The following SLC16A7 variants were observed in gnomAD, a reference collection of about 807,000 sequenced individuals.
SLC16A7 encodes the protein solute carrier family 16 member 7, also known as monocarboxylate transporter 2.
In SLC16A7, 33 loss-of-function variants were observed where a neutral mutation model predicts 34.9. The ratio of observed to expected loss-of-function variants is 0.94; its 90% CI spans 0.72 to 1.26. SLC16A7 has a LOEUF of 1.26. Ranked by LOEUF, SLC16A7 falls within the 50% of genes most tolerant of loss-of-function variation. The pLI is 0.00. For missense variants in SLC16A7, 573 were observed against 578.1 expected (o/e 0.99, Z 0.09); for synonymous variants, 201 against 206.6 (o/e 0.97, Z 0.23).
In SLC16A7 at chr12:59,698,241, T is replaced by C. The variant is rs1592520559; in HGVS notation, c.-30-6531T>C. On this transcript the variant is annotated intron_variant, in intron 2 of 5. Coordinates refer to ENST00000547379, the MANE Select transcript of SLC16A7 (RefSeq NM_001270623.2). ...TATAGAATATTAACTAGGGAAATAT[T>C]GTTAAAACTGATTATGCAACTATTT... Among the ~76,000 whole-genome samples the C allele has an allele frequency of 2.0e-5, 3 of 151,916 alleles. No homozygotes were observed. In the South Asian group the frequency reaches 6.2e-4, roughly 31 times the overall value.
intron 2 of SLC16A7, among the ~76,000 whole-genome samples, chr12:59,696,137 G>A (rs1872262878): frequency 6.6e-6 from 1 of 151,204 alleles, no homozygotes; most frequent in Admixed American, 6.6e-5. Context: ...TATAATAATA[G>A]GCTTGTAATC....
intron 3 of SLC16A7, among the ~76,000 whole-genome samples, chr12:59,757,102 G>C (rs1348529409): frequency 1.7e-5 from 2 of 117,462 alleles, no homozygotes; most frequent in Non-Finnish European, 3.3e-5. Context: ...TCTGGGGACT[G>C]TTGTGGGGTG....
intron 2 of SLC16A7, among the ~76,000 whole-genome samples, chr12:59,670,660 A>G (rs1169142739): frequency 3.3e-5 from 5 of 152,222 alleles, no homozygotes; most frequent in Non-Finnish European, 7.3e-5. Flanking sequence ...GGGAATAGAC[A>G]TACTCATTCC....
chr12:59,735,190 C>G (rs541738182), intron 3 of SLC16A7, among the ~76,000 whole-genome samples: 1 of 152,250 alleles, frequency 6.6e-6, no homozygotes, highest in East Asian at 1.9e-4. Flanking sequence ...ACTTCTACCT[C>G]GAAGACATAG....
intron 4 of SLC16A7, among the ~76,000 whole-genome samples, 160 bp from the exon 5 acceptor site, chr12:59,774,497 T>C (rs1882537100): frequency 6.6e-6 from 1 of 152,184 alleles, no homozygotes; most frequent in Non-Finnish European, 1.5e-5. Flanking sequence ...AAAACCTTAT[T>C]GTTTTGTGCA....
intron 1 of SLC16A7, among the ~76,000 whole-genome samples, chr12:59,654,694 C>T: frequency 7.1e-6 from 1 of 140,294 alleles, no homozygotes; most frequent in Admixed American, 7.0e-5. Context: ...TAGGCATGCA[C>T]ACACACACAC....
At chr12:59,616,124 C>T (rs1269393637) in intron 1 of SLC16A7, among the ~76,000 whole-genome samples, 1 of 152,164 alleles carries the variant, frequency 6.6e-6, no homozygotes, top group Admixed American at 6.5e-5. Flanking sequence ...TGCTTTACCA[C>T]CTTGGGCCTG....
At chr12:59,698,403 G>T (rs1048986289) in intron 2 of SLC16A7, among the ~76,000 whole-genome samples, 34 of 151,514 alleles carry the variant, frequency 2.2e-4, no homozygotes, top group African/African-American at 4.8e-5. Flanking sequence ...AATATTTACT[G>T]CATTTGTTGT....
intron 1 of SLC16A7, among the ~76,000 whole-genome samples, chr12:59,649,748 A>T (rs1356911477): frequency 6.6e-6 from 1 of 152,152 alleles, no homozygotes; most frequent in East Asian, 1.9e-4. Flanking sequence ...GAGGAGTTCA[A>T]GACCAGCCTG....
At chr12:59,610,513 A>T (rs765720240) in intron 1 of SLC16A7, among the ~76,000 whole-genome samples, 9 of 152,198 alleles carry the variant, frequency 5.9e-5, no homozygotes, top group Non-Finnish European at 1.2e-4. Context: ...ACCTTATTAA[A>T]GAGGTGTATT....
chr12:59,624,225 A>G (rs1368711156), intron 1 of SLC16A7, among the ~76,000 whole-genome samples: 1 of 151,582 alleles, frequency 6.6e-6, no homozygotes, highest in African/African-American at 2.4e-5. Context: ...TTTTTTACTC[A>G]TATCTCTTTT....
chr12:59,705,850 AATT>A (rs1390553987), intron 3 of SLC16A7, among the ~76,000 whole-genome samples: 2 of 152,130 alleles, frequency 1.3e-5, no homozygotes, highest in African/African-American at 4.8e-5. Context: ...CATTTAAAGA[AATT>A]ATATCAATTA....
intron 1 of SLC16A7, among the ~76,000 whole-genome samples, chr12:59,613,020 C>A (rs187718412): frequency 4.6e-5 from 7 of 152,302 alleles, no homozygotes; most frequent in Non-Finnish European, 8.8e-5. Context: ...TACAGCAGCA[C>A]CCCACTCCTG....
At chr12:59,744,948 TA>T (rs1878734189) in intron 3 of SLC16A7, among the ~76,000 whole-genome samples, 1 of 152,162 alleles carries the variant, frequency 6.6e-6, no homozygotes, top group Non-Finnish European at 1.5e-5. Flanking sequence ...AGTGCCCATG[TA>T]CTCTAGATCC....
chr12:59,783,094 T>G lies in SLC16A7; in HGVS notation c.*3415T>G, dbSNP rs1421191648. 2 of 152,194 alleles carry G rather than the reference T, an allele frequency of 1.3e-5. No homozygotes were observed. Among genetic ancestry groups the G allele is most frequent in the Non-Finnish European group, 1.5e-5 (1 of 68,036 alleles). 9.4% of individuals were successfully genotyped at this position (152,194 alleles called of 1,614,324 possible). On this transcript the variant is annotated 3_prime_UTR_variant, in exon 6 of 6. Coordinates refer to ENST00000547379, the MANE Select transcript of SLC16A7 (RefSeq NM_001270623.2). ...TATGATATAAATGTAAGTTTTTATG[T>G]AGATGACATAAATATGAAGAGATAT...
At chr12:59,761,134 T>A (rs1295187816) in intron 3 of SLC16A7, 1 of 1,281,730 alleles carries the variant, frequency 7.8e-7, no homozygotes, top group East Asian at 5.6e-5. Flanking sequence ...GGTAGAATAT[T>A]TGAAAGCTTT....
At chr12:59,698,349 A>T (rs373324851) in intron 2 of SLC16A7, among the ~76,000 whole-genome samples, 2 of 151,786 alleles carry the variant, frequency 1.3e-5, no homozygotes, top group African/African-American at 2.4e-5. Flanking sequence ...TTAAATTTAT[A>T]TACATAAATA....
At chr12:59,671,632 C>T (rs1869693833) in intron 2 of SLC16A7, among the ~76,000 whole-genome samples, 1 of 150,842 alleles carries the variant, frequency 6.6e-6, no homozygotes, top group South Asian at 2.1e-4. Flanking sequence ...AAAGTTCTGC[C>T]TGTGTCCCTT....
chr12:59,659,406 C>T (rs982556513), intron 2 of SLC16A7, among the ~76,000 whole-genome samples: 1 of 152,040 alleles, frequency 6.6e-6, no homozygotes, highest in Non-Finnish European at 1.5e-5. Context: ...CCCTCATCCT[C>T]CTCCTAGCTT....
Sources: allele counts gnomAD v4.1 joint callset (sites outside exome capture counted in the v4.1 genomes callset), GRCh38; gene constraint gnomAD v4.1.1; transcripts MANE v1.5; gene names NCBI Gene and HGNC (gene_info 2026-07-23, HGNC 2026-07-21).